The following SCN10A variants were observed in gnomAD, a reference collection of about 807,000 sequenced individuals.
The protein encoded by SCN10A is sodium channel protein type 10 subunit alpha.
SCN10A carries 162 observed loss-of-function variants against 170.7 expected under a neutral mutation model. The ratio of observed to expected loss-of-function variants is 0.95; its 90% CI spans 0.84 to 1.08. The LOEUF is 1.08. Ranked by LOEUF, SCN10A falls within the 50% of genes least tolerant of loss-of-function variation. SCN10A has a pLI of 0.00. For synonymous variants in SCN10A, 985 were observed against 904.6 expected (o/e 1.09, Z -1.59); for missense variants, 2,527 against 2,436.9 (o/e 1.04, Z -0.78).
At chr3:38,753,754 T>C (rs1446205643) in intron 11 of SCN10A, among the ~76,000 whole-genome samples, 1 of 152,158 alleles carries the variant, frequency 6.6e-6, no homozygotes, top group African/African-American at 2.4e-5. Flanking sequence ...AGAAGAAAAT[T>C]TTGGTTGCAT....
intron 15 of SCN10A, among the ~76,000 whole-genome samples, chr3:38,729,911 TA>T (rs1212598601): frequency 6.6e-6 from 1 of 152,226 alleles, no homozygotes; most frequent in Non-Finnish European, 1.5e-5. Context: ...GTAAGTGCTG[TA>T]TGCACCTCTT....
In SCN10A at chr3:38,750,073, C is replaced by G. The variant is rs756924729; in HGVS notation, c.1867G>C (p.Glu623Gln). ...GAACAATGCAGTGAGCAGCACTTAC[C>G]CTCAAGGACGGAGGTTATGATACTG... ...VVSIITSVLE[E>Q]LEESEQKCPP... Residue 623 changes from glutamate (E) to glutamine (Q), a missense_variant and splice_region_variant, in exon 13 of 28, where the codon GAA becomes CAA. Glu to Gln is a conservative substitution (Grantham distance 29, BLOSUM62 2). Coordinates refer to ENST00000449082, the MANE Select transcript of SCN10A (RefSeq NM_006514.4). The G allele has an allele frequency of 1.9e-6, 3 of 1,570,016 alleles. No individual in the cohort carries two copies. The highest frequency in any genetic ancestry group is 2.6e-6 in the Non-Finnish European group (3 of 1,140,696).
rs970548051 is a variant in SCN10A, at chr3:38,726,748, T to C, written c.2945A>G (p.Asp982Gly). 7.4e-6 allele frequency: 12 copies of C among 1,612,684 alleles called. No individual in the cohort carries two copies. Among genetic ancestry groups the C allele is most frequent in the Non-Finnish European group, 9.3e-6 (11 of 1,178,806 alleles). The change falls in exon 17 of 28, where the codon GAT (aspartate) becomes GGT (glycine). Residue 982 changes from aspartate (D) to glycine (G), a missense_variant. Physicochemically the swap from Asp to Gly is moderately conservative, Grantham distance 94 (BLOSUM62 -1). Transcript: ENST00000449082. ...GGLQAPRGPRDEHSDFIANPT... is the reference protein window; with the variant it reads ...GGLQAPRGPRGEHSDFIANPT... ...ATTAGCGATGAAGTCACTGTGCTCA[T>C]CCCTGGGGCCTCTGGGAGCTTGGAG...
chr3:38,752,306 T>A lies in SCN10A; in HGVS notation c.1668A>T (p.Gln556His), dbSNP rs770276976. ...CATGCCTGGAGTCAGGGTTGCTGGGTTGAGGAAGAGGGCTTCTAGGGAGGG... is the reference window on the plus strand; with the variant it reads ...CATGCCTGGAGTCAGGGTTGCTGGGATGAGGAAGAGGGCTTCTAGGGAGGG... ...QGPLPRSPLP[Q>H]PSNPDSRHGE... is the part of the protein sequence containing the mutation. The change falls in exon 12 of 28, where the codon CAA (glutamine) becomes CAT (histidine). Residue 556 changes from glutamine to histidine, a missense_variant. Coordinates refer to ENST00000449082, the MANE Select transcript of SCN10A (RefSeq NM_006514.4). 1.2e-4 allele frequency: 187 copies of A among 1,608,912 alleles called. No homozygotes were observed. Among genetic ancestry groups the A allele is most frequent in the Non-Finnish European group, 1.5e-4 (178 of 1,177,876 alleles).
intron 5 of SCN10A, among the ~76,000 whole-genome samples, chr3:38,770,251 C>T (rs1400489094): frequency 1.3e-5 from 2 of 152,172 alleles, no homozygotes; most frequent in African/African-American, 4.8e-5. Flanking sequence ...GATCTAAGCT[C>T]ACCCTAAGTT....
At chr3:38,813,511 T>C (rs1365412127) in intron 1 of SCN10A, among the ~76,000 whole-genome samples, 2 of 152,208 alleles carry the variant, frequency 1.3e-5, no homozygotes, top group African/African-American at 2.4e-5. Context: ...ATATTTACAG[T>C]CGTCTTGTGA....
intron 14 of SCN10A, among the ~76,000 whole-genome samples, chr3:38,740,667 G>A (rs1038948852): frequency 6.6e-6 from 1 of 152,184 alleles, no homozygotes; most frequent in African/African-American, 2.4e-5. Context: ...ACCTCTCTGA[G>A]TCTTAGTGCT....
intron 2 of SCN10A, among the ~76,000 whole-genome samples, chr3:38,793,492 C>G (rs1487131462): frequency 6.6e-6 from 1 of 152,160 alleles, no homozygotes; most frequent in Non-Finnish European, 1.5e-5. Flanking sequence ...CCAACTTTCC[C>G]TGAAAGCTCT....
rs150501065 is a variant in SCN10A at position 38,728,858 on chromosome 3, G to A, written c.2324C>T (p.Thr775Ile). 4.0e-5 allele frequency: 64 copies of A among 1,613,594 alleles called. No homozygotes were observed. In the East Asian group the frequency reaches 1.4e-3, roughly 34 times the overall value. ...KLAKSWPTLN[T>I]LIKIIGNSVG... is the part of the protein sequence containing the mutation. The stretch of plus-strand genomic sequence containing the variant: ...TGAGTTTCCGATGATCTTGATGAGT[G>A]TGTTTAAGGTGGGCCAGGATTTGGC... Residue 775 changes from threonine to isoleucine, a missense_variant, in exon 16 of 28, where the codon ACA becomes ATA. Thr to Ile is a moderately conservative substitution (Grantham distance 89). Coordinates refer to ENST00000449082, the MANE Select transcript of SCN10A (RefSeq NM_006514.4).
intron 5 of SCN10A, among the ~76,000 whole-genome samples, chr3:38,765,583 T>C (rs942518407): frequency 1.3e-5 from 2 of 152,222 alleles, no homozygotes; most frequent in Non-Finnish European, 1.5e-5. Flanking sequence ...CTTATTTTTA[T>C]ACCAGTATCA....
chr3:38,787,384 C>G (rs540593967), intron 4 of SCN10A, among the ~76,000 whole-genome samples: 2 of 152,208 alleles, frequency 1.3e-5, no homozygotes, highest in African/African-American at 4.8e-5. Context: ...CCTTACTATA[C>G]TCTTTTATTA....
chr3:38,747,249 T>G (rs1184599274), intron 13 of SCN10A, among the ~76,000 whole-genome samples: 1 of 152,178 alleles, frequency 6.6e-6, no homozygotes, highest in African/African-American at 2.4e-5. Flanking sequence ...TATTACTTAT[T>G]TTCTTCCTTT....
rs1266195366 is a variant in SCN10A at position 38,723,449 on chromosome 3, T to C, written c.3333A>G (p.Pro1111=). 1 of 1,614,208 alleles carries C rather than the reference T, an allele frequency of 6.2e-7. No individual in the cohort carries two copies. The highest frequency in any genetic ancestry group is 8.5e-7 in the Non-Finnish European group (1 of 1,180,014). The part of the protein sequence containing the change: ...IPELADDLEE[P]DDCFTEGCIR... Reference sequence around the variant, plus strand: ...CTTCACCTTCTGTGAAGCAGTCATCTGGTTCTTCCAGGTCATCTGCCAGCT... The same window carrying C: ...CTTCACCTTCTGTGAAGCAGTCATCCGGTTCTTCCAGGTCATCTGCCAGCT... The change falls in exon 19 of 28, where the codon CCA becomes CCG. Residue 1111 remains proline (P), a synonymous_variant. Coordinates refer to ENST00000449082, the MANE Select transcript of SCN10A (RefSeq NM_006514.4).
At chr3:38,703,703 T>C (rs2063181085) in intron 26 of SCN10A, among the ~76,000 whole-genome samples, 1 of 152,228 alleles carries the variant, frequency 6.6e-6, no homozygotes, top group Non-Finnish European at 1.5e-5. Flanking sequence ...ACCCAACTTT[T>C]AGACATCAGA....
At chr3:38,732,439 A>C (rs1575971462) in intron 15 of SCN10A, among the ~76,000 whole-genome samples, 2 of 152,230 alleles carry the variant, frequency 1.3e-5, no homozygotes, top group African/African-American at 4.8e-5. Context: ...AGAGCTTCCC[A>C]ACAAGCACTG....
intron 26 of SCN10A, among the ~76,000 whole-genome samples, chr3:38,702,500 C>G (rs1291195235): frequency 6.6e-6 from 1 of 152,240 alleles, no homozygotes; most frequent in Non-Finnish European, 1.5e-5. Context: ...CTTTGGGGAT[C>G]CCACTTTTCA....
chr3:38,796,307 C>T (rs530295959), intron 1 of SCN10A, among the ~76,000 whole-genome samples: 33 of 152,222 alleles, frequency 2.2e-4, no homozygotes, highest in African/African-American at 7.7e-4. Flanking sequence ...AGTGCTGTTG[C>T]TTCTGCCTCC....
At chr3:38,790,094 T>A (rs2064261908) in intron 3 of SCN10A, among the ~76,000 whole-genome samples, 1 of 152,174 alleles carries the variant, frequency 6.6e-6, no homozygotes, top group Non-Finnish European at 1.5e-5. Flanking sequence ...CACATTTTCC[T>A]GCTGACTTAC....
chr3:38,783,221 C>G (rs945491997), intron 4 of SCN10A, among the ~76,000 whole-genome samples: 2 of 152,098 alleles, frequency 1.3e-5, no homozygotes, highest in Non-Finnish European at 2.9e-5. Context: ...ACAAAATTCA[C>G]TCCATAGCAG....
Sources: allele counts gnomAD v4.1 joint callset (sites outside exome capture counted in the v4.1 genomes callset), GRCh38; gene constraint gnomAD v4.1.1; transcripts MANE v1.5; gene names NCBI Gene and HGNC (gene_info 2026-07-23, HGNC 2026-07-21).